The following MATN2 variants were observed in gnomAD, a reference collection of about 807,000 sequenced individuals.
MATN2 encodes the protein matrilin-2.
In MATN2, 69 loss-of-function variants were observed where a neutral mutation model predicts 103.2. The ratio of observed to expected loss-of-function variants is 0.67; its 90% confidence interval spans 0.55 to 0.82. The LOEUF (loss-of-function observed/expected upper bound fraction) is 0.82. MATN2 is among the 40% of genes least tolerant of loss of function. MATN2 has a pLI of 0.00. For missense variants in MATN2, 1,023 were observed against 1,211.5 expected (o/e 0.84, Z 2.31); for synonymous variants, 429 against 450.2 (o/e 0.95, Z 0.60).
At chr8:97,926,879 G>A (rs1810005721) in intron 2 of MATN2, among the ~76,000 whole-genome samples, 1 of 152,286 alleles carries the variant, frequency 6.6e-6, no homozygotes, top group Non-Finnish European at 1.5e-5. Flanking sequence ...AAGACTTTCT[G>A]TGTTTCCAAC....
chr8:97,952,968 G>A (rs1327527905), intron 4 of MATN2, among the ~76,000 whole-genome samples: 1 of 141,474 alleles, frequency 7.1e-6, no homozygotes, highest in Admixed American at 7.5e-5. Context: ...TGTCTCCCAG[G>A]CTGGAGTGCA....
At chr8:97,986,170 G>A (rs1812186665) in intron 6 of MATN2, among the ~76,000 whole-genome samples, 1 of 151,986 alleles carries the variant, frequency 6.6e-6, no homozygotes, top group Admixed American at 6.6e-5. Flanking sequence ...GAAATTTATT[G>A]AGTCAAAGGC....
chr8:98,034,757 G>A (rs11997426), intron 18 of MATN2, among the ~76,000 whole-genome samples: 8 of 151,962 alleles, frequency 5.3e-5, no homozygotes, highest in African/African-American at 1.7e-4. Flanking sequence ...TGAAAACTCC[G>A]TATCGCCCTT....
intron 6 of MATN2, among the ~76,000 whole-genome samples, chr8:97,983,611 T>C (rs1812097437): frequency 6.6e-6 from 1 of 152,230 alleles, no homozygotes. Context: ...CCTGTAAGGA[T>C]GAATAAAGGC....
chr8:97,892,712 C>A (rs1217359397), intron 2 of MATN2, among the ~76,000 whole-genome samples: 1 of 152,142 alleles, frequency 6.6e-6, no homozygotes, highest in African/African-American at 2.4e-5. Flanking sequence ...GATCAATAAA[C>A]TTTTTGTTCT....
chr8:97,988,169 A>ATATAT (rs57037125), intron 6 of MATN2, among the ~76,000 whole-genome samples: 1 of 64,526 alleles, frequency 1.5e-5, no homozygotes, highest in African/African-American at 8.1e-5. Flanking sequence ...AAAAAAAAAA[A>ATATAT]AAATATATAT....
intron 13 of MATN2, 88 bp downstream of exon 13, chr8:98,021,415 T>C (rs1471056251): frequency 5.0e-6 from 7 of 1,399,500 alleles, no homozygotes; most frequent in Non-Finnish European, 6.9e-6. Context: ...ATCCCTCACC[T>C]CTGCTTCTCC....
rs546241004 is a variant in MATN2 at position 97,981,303 on chromosome 8, A to G, written c.1081+2295A>G. ...ACCCATGCTGGAATGCAGTGGTGCA[A>G]TCCTAGCTCATTGCAGCTTCCAACT... On this transcript the variant is annotated intron_variant, in intron 6 of 18. Transcript: ENST00000254898. 5.0e-4 allele frequency among the ~76,000 whole-genome samples: 76 copies of G among 151,790 alleles called. 1 individual carries two copies. The South Asian group carries it at 0.015, about 29-fold the overall frequency.
chr8:98,015,170 T>G (rs1813316241), intron 10 of MATN2, among the ~76,000 whole-genome samples: 1 of 152,160 alleles, frequency 6.6e-6, no homozygotes, highest in African/African-American at 2.4e-5. Context: ...TTTGTATTAA[T>G]CCATGAACAA....
intron 7 of MATN2, 33 bp from the exon 8 acceptor site, chr8:98,003,628 G>A (rs184239062): frequency 1.2e-4 from 199 of 1,612,864 alleles, no homozygotes; most frequent in Middle Eastern, 1.2e-3. Context: ...GAGGTCCAGA[G>A]TCTGAAGGAA....
At chr8:97,979,126 T>A in intron 6 of MATN2, 118 bp downstream of exon 6, 1 of 1,216,488 alleles carries the variant, frequency 8.2e-7, no homozygotes, top group Non-Finnish European at 1.1e-6. Context: ...GGGGGTCTAA[T>A]ACCTTTTGCC....
chr8:97,994,453 A>G (rs1812499900), intron 6 of MATN2, 27 bp from the exon 7 acceptor site: 1 of 1,591,302 alleles, frequency 6.3e-7, no homozygotes, highest in Non-Finnish European at 8.5e-7. Flanking sequence ...TTGGTTTGCC[A>G]TTCTTGTGAT....
intron 6 of MATN2, among the ~76,000 whole-genome samples, chr8:97,987,453 G>GA (rs995948024): frequency 7.3e-5 from 11 of 151,304 alleles, no homozygotes; most frequent in African/African-American, 1.9e-4. Context: ...AAAGTTGAAG[G>GA]AAAAAAAAGT....
chr8:97,993,487 T>C (rs1297959028), intron 6 of MATN2, among the ~76,000 whole-genome samples: 1 of 142,058 alleles, frequency 7.0e-6, no homozygotes, highest in South Asian at 2.2e-4. Context: ...ATACAAAAAA[T>C]ACAAAAAAAA....
chr8:98,001,059 C>T (rs1469021973), intron 7 of MATN2, among the ~76,000 whole-genome samples: 1 of 152,102 alleles, frequency 6.6e-6, no homozygotes, highest in Non-Finnish European at 1.5e-5. Context: ...ATGTGAGCTT[C>T]GTCAAATAAC....
chr8:97,937,995 C>T (rs1266916800), intron 3 of MATN2, among the ~76,000 whole-genome samples: 1 of 152,114 alleles, frequency 6.6e-6, no homozygotes, highest in African/African-American at 2.4e-5. Flanking sequence ...GGTAGCCATC[C>T]TCTCCCCACG....
intron 2 of MATN2, among the ~76,000 whole-genome samples, chr8:97,907,368 G>C (rs1473057180): frequency 2.0e-5 from 3 of 147,536 alleles, no homozygotes; most frequent in African/African-American, 7.5e-5. Flanking sequence ...CTGGAGTGCA[G>C]TGGCGCAATC....
intron 6 of MATN2, among the ~76,000 whole-genome samples, chr8:97,988,216 A>C (rs1428728340): frequency 8.2e-6 from 1 of 121,988 alleles, no homozygotes; most frequent in African/African-American, 4.0e-5. Context: ...GTATACACAC[A>C]TACATATATA....
rs1232297106 is a variant in MATN2, at chr8:98,033,591, G to A, written c.2747G>A (p.Cys916Tyr). 6.2e-7 allele frequency: 1 copy of A among 1,604,642 alleles called. No individual in the cohort carries two copies. The part of the protein sequence containing the change: ...GSPLEEKHDQ[C>Y]KCENLIMFQN... ...CCTTTGGAAGAAAAACACGATCAAT[G>A]CAAATGTGAAAACCTTATAATGTTC... The change falls in exon 18 of 19, where the codon TGC (cysteine) becomes TAC (tyrosine). Residue 916 changes from cysteine to tyrosine, a missense_variant. Transcript: ENST00000254898.
Sources: gnomAD v4.1 joint callset for allele counts (sites outside exome capture counted in the v4.1 genomes callset) on GRCh38, gnomAD v4.1.1 for gene constraint, MANE v1.5 for transcripts, NCBI Gene and HGNC (gene_info 2026-07-23, HGNC 2026-07-21) for gene names.